Variants in LRRC37A2 observed in about 807,000 individuals in gnomAD.
The protein encoded by LRRC37A2 is leucine-rich repeat-containing protein 37A2.
Under a neutral mutation model 68.8 loss-of-function variants are expected in LRRC37A2, and 9 were observed. The observed-to-expected ratio is 0.13, with a 90% CI of 0.08 to 0.23. The LOEUF (loss-of-function observed/expected upper bound fraction) is 0.23, where lower values mean the gene tolerates loss of function less well. LRRC37A2 is among the 10% of genes least tolerant of loss of function. The pLI, the probability that LRRC37A2 is intolerant of heterozygous loss-of-function variation, is 1.00. For missense variants in LRRC37A2, 168 were observed against 950.4 expected (o/e 0.18, Z 10.82); for synonymous variants, 63 against 367.6 (o/e 0.17, Z 9.48).
At chr17:46,992,415 A>G in the LRRC37A2 span, among the ~76,000 whole-genome samples, 2 of 152,136 alleles carry the variant, frequency 1.3e-5, no homozygotes, top group African/African-American at 4.8e-5. Context: ...TTGGCTGCGT[A>G]CTGAAACTAT....
the LRRC37A2 span, among the ~76,000 whole-genome samples, chr17:46,460,840 A>T: frequency 2.5e-4 from 24 of 96,854 alleles, 8 homozygotes; most frequent in African/African-American, 8.6e-4. Flanking sequence ...TGGTGCGTGT[A>T]TTTAAAGTTC....
chr17:46,820,971 T>C, the LRRC37A2 span: 1 of 151,900 alleles, frequency 6.6e-6, no homozygotes, highest in African/African-American at 2.4e-5. Context: ...GCCTCAAGAC[T>C]CCACAGGTGC....
chr17:47,018,288 C>T, the LRRC37A2 span: 1 of 1,611,506 alleles, frequency 6.2e-7, no homozygotes, highest in Non-Finnish European at 8.5e-7. Flanking sequence ...GCCAGTTCAG[C>T]CTTCTGAGTC....
chr17:46,751,801 C>T, the LRRC37A2 span, among the ~76,000 whole-genome samples: 11 of 152,160 alleles, frequency 7.2e-5, no homozygotes, highest in Non-Finnish European at 1.5e-4. Context: ...TACTTTTTAA[C>T]TTCTTAAAAT....
chr17:46,842,688 A>G, the LRRC37A2 span, among the ~76,000 whole-genome samples: 21 of 152,142 alleles, frequency 1.4e-4, no homozygotes, highest in Admixed American at 9.8e-4. Context: ...CTTTTATTCA[A>G]AGTCCTTTTG....
At chr17:46,779,043 C>G in the LRRC37A2 span, among the ~76,000 whole-genome samples, 1 of 93,378 alleles carries the variant, frequency 1.1e-5, no homozygotes, top group Non-Finnish European at 2.4e-5. Context: ...ATTCCCCGGT[C>G]CCTACCCCAT....
chr17:47,009,370 A>G, the LRRC37A2 span, among the ~76,000 whole-genome samples: 1 of 152,232 alleles, frequency 6.6e-6, no homozygotes, highest in Non-Finnish European at 1.5e-5. Flanking sequence ...CCGCACATCC[A>G]GACTTGACTC....
chr17:46,986,755 G>A, the LRRC37A2 span, among the ~76,000 whole-genome samples: 1 of 152,348 alleles, frequency 6.6e-6, no homozygotes, highest in African/African-American at 2.4e-5. Context: ...TGCATCCTAT[G>A]TGCGTCTTCC....
the LRRC37A2 span, among the ~76,000 whole-genome samples, chr17:46,928,879 A>T: frequency 6.6e-6 from 1 of 152,084 alleles, no homozygotes; most frequent in Non-Finnish European, 1.5e-5. Flanking sequence ...AACTCTTTCC[A>T]TCCACATAAC....
the LRRC37A2 span, among the ~76,000 whole-genome samples, chr17:46,812,073 C>T: frequency 1.1e-4 from 16 of 152,320 alleles, no homozygotes; most frequent in South Asian, 6.2e-4. Flanking sequence ...TTTTCCAGCC[C>T]GTCGCCATCC....
chr17:47,000,083 AAATAAAATAAAAT>A, the LRRC37A2 span, among the ~76,000 whole-genome samples: 1,979 of 76,636 alleles, frequency 0.026, 37 homozygotes, highest in Middle Eastern at 0.033. Context: ...ATAAAAAATA[AAATAAAATAAAAT>A]AAAATAAAAT....
chr17:46,743,513 T>G, the LRRC37A2 span, among the ~76,000 whole-genome samples: 1 of 152,206 alleles, frequency 6.6e-6, no homozygotes, highest in Non-Finnish European at 1.5e-5. Flanking sequence ...AGTTAAATAA[T>G]CTACCCCAAA....
At chr17:46,951,769 A>G in the LRRC37A2 span, among the ~76,000 whole-genome samples, 1 of 152,160 alleles carries the variant, frequency 6.6e-6, no homozygotes, top group African/African-American at 2.4e-5. Flanking sequence ...AGGTACACTC[A>G]GAGAGGAAAA....
chr17:46,707,348 A>G, the LRRC37A2 span, among the ~76,000 whole-genome samples: 1 of 152,132 alleles, frequency 6.6e-6, no homozygotes, highest in Admixed American at 6.6e-5. Context: ...AGTTCTTTAT[A>G]TACTCTTTTT....
chr17:46,746,118 T>G, the LRRC37A2 span, among the ~76,000 whole-genome samples: 1 of 152,246 alleles, frequency 6.6e-6, no homozygotes, highest in East Asian at 1.9e-4. Flanking sequence ...ATTTTGCATC[T>G]GTCTTTCTGT....
the LRRC37A2 span, chr17:46,923,224 G>A: frequency 3.2e-6 from 5 of 1,551,052 alleles, no homozygotes; most frequent in Non-Finnish European, 4.4e-6. Flanking sequence ...ACGCACAAGT[G>A]AGGGCCGGTC....
the LRRC37A2 span, among the ~76,000 whole-genome samples, chr17:46,696,120 T>TTACC: frequency 1.8e-5 from 2 of 110,572 alleles, no homozygotes; most frequent in Non-Finnish European, 3.3e-5. Flanking sequence ...TCCTCTACGT[T>TTACC]TACCTGTCTT....
At chr17:46,874,792 G>A in the LRRC37A2 span, among the ~76,000 whole-genome samples, 1 of 152,134 alleles carries the variant, frequency 6.6e-6, no homozygotes, top group Non-Finnish European at 1.5e-5. Flanking sequence ...TGGCCAGACT[G>A]GTCTTGAACT....
At chr17:46,867,917 A>G in the LRRC37A2 span, among the ~76,000 whole-genome samples, 1 of 152,056 alleles carries the variant, frequency 6.6e-6, no homozygotes, top group Admixed American at 6.5e-5. Flanking sequence ...TGGTTTTATG[A>G]TGAACCTGAC....
Sources: allele counts gnomAD v4.1 joint callset (sites outside exome capture counted in the v4.1 genomes callset), GRCh38; gene constraint gnomAD v4.1.1; transcripts MANE v1.5; gene names NCBI Gene and HGNC (gene_info 2026-07-23, HGNC 2026-07-21).